MEIKIN: variants seen among roughly 807,000 people sequenced by gnomAD.
The protein encoded by MEIKIN is meiotic kinetochore factor.
At position 131,936,705 on chromosome 5, in the gene MEIKIN, C is replaced by G. The variant is rs148323591; in HGVS notation, c.350-3064G>C. ...CGCCTCCCAAGCTCAACCAATCCTC[C>G]CACCTCAGCCTCCTGAGTAGCTGGG... On this transcript the variant is annotated intron_variant, in intron 4 of 12. Transcript: ENST00000442687. Among the ~76,000 whole-genome samples, 821 of 152,242 alleles carry G rather than the reference C, an allele frequency of 5.4e-3. 12 individuals carry two copies. The highest frequency in any genetic ancestry group is 0.019 in the African/African-American group (796 of 41,528).
chr5:131,945,082 T>C (rs1254337463), intron 2 of MEIKIN, 74 bp downstream of exon 2: 3 of 398,954 alleles, frequency 7.5e-6, no homozygotes, highest in African/African-American at 2.1e-5. Context: ...AATAAAAGGC[T>C]ACTAGCAGAA....
chr5:131,912,305 T>A (rs889484303), intron 7 of MEIKIN, among the ~76,000 whole-genome samples: 15 of 150,826 alleles, frequency 9.9e-5, no homozygotes, highest in East Asian at 5.8e-4. Context: ...TTATTATTAT[T>A]ATATTATTAT....
intron 11 of MEIKIN, among the ~76,000 whole-genome samples, chr5:131,837,681 T>C (rs766175249): frequency 6.6e-6 from 1 of 152,148 alleles, no homozygotes; most frequent in African/African-American, 2.4e-5. Flanking sequence ...TGTATAGGAA[T>C]GTTAGTTATT....
At chr5:131,885,379 G>GAGAA (rs1561744015) in intron 8 of MEIKIN, among the ~76,000 whole-genome samples, 1 of 84,364 alleles carries the variant, frequency 1.2e-5, no homozygotes, top group African/African-American at 5.0e-5. Context: ...GAGAGAGAGA[G>GAGAA]AGAGAGAGAG....
At chr5:131,942,898 C>T (rs1751897544) in intron 3 of MEIKIN, among the ~76,000 whole-genome samples, 1 of 151,824 alleles carries the variant, frequency 6.6e-6, no homozygotes, top group South Asian at 2.1e-4. Flanking sequence ...AAATATAATA[C>T]TATGAACATA....
chr5:131,839,035 G>A (rs1372101259), intron 11 of MEIKIN, among the ~76,000 whole-genome samples: 1 of 152,132 alleles, frequency 6.6e-6, no homozygotes, highest in Non-Finnish European at 1.5e-5. Context: ...GTGTCCTAGA[G>A]ATTCTGGCAT....
At chr5:131,897,064 G>A (rs927467359) in intron 8 of MEIKIN, among the ~76,000 whole-genome samples, 1 of 152,172 alleles carries the variant, frequency 6.6e-6, no homozygotes, top group Admixed American at 6.5e-5. Flanking sequence ...AAGAGGTCTT[G>A]TAAGGCAGGC....
chr5:131,917,740 G>C (rs1204076561), intron 6 of MEIKIN, among the ~76,000 whole-genome samples: 1 of 152,112 alleles, frequency 6.6e-6, no homozygotes, highest in Non-Finnish European at 1.5e-5. Flanking sequence ...GGGTATAGTT[G>C]TCTAAAGAAA....
chr5:131,903,321 A>G (rs571104047), intron 8 of MEIKIN, among the ~76,000 whole-genome samples: 1 of 152,288 alleles, frequency 6.6e-6, no homozygotes, highest in African/African-American at 2.4e-5. Flanking sequence ...ATACTACATA[A>G]GAAGACCAGT....
At chr5:131,898,963 C>A (rs551936796) in intron 8 of MEIKIN, among the ~76,000 whole-genome samples, 2 of 152,286 alleles carry the variant, frequency 1.3e-5, no homozygotes, top group South Asian at 4.1e-4. Context: ...ATGAGATGAA[C>A]CAGGTACTTC....
intron 9 of MEIKIN, among the ~76,000 whole-genome samples, chr5:131,875,083 C>T (rs894199299): frequency 1.3e-5 from 2 of 152,204 alleles, no homozygotes; most frequent in Non-Finnish European, 2.9e-5. Flanking sequence ...AAAACTGGCA[C>T]AAGACAGGGA....
At chr5:131,916,742 A>G in intron 7 of MEIKIN, 144 bp downstream of exon 7, 1 of 380,244 alleles carries the variant, frequency 2.6e-6, no homozygotes. Context: ...ATCTCTAGCA[A>G]TTACAACAGT....
intron 8 of MEIKIN, among the ~76,000 whole-genome samples, chr5:131,906,046 G>A (rs1751237533): frequency 6.6e-6 from 1 of 152,092 alleles, no homozygotes; most frequent in Non-Finnish European, 1.5e-5. Context: ...TTAAACTAAA[G>A]AGCTTCTGCA....
rs148281449 is a variant in MEIKIN, at chr5:131,821,546, T to C, written c.976-2683A>G. Among the ~76,000 whole-genome samples the C allele has an allele frequency of 1.0e-3, 159 of 152,220 alleles. 1 individual carries two copies. In the East Asian group the frequency reaches 0.026, roughly 25 times the overall value. ...CAGTGCAGATTAAGTCTGATGTTTC[T>C]TTGTTGATTTTCTGTCTGGGAGATC... On this transcript the variant is annotated intron_variant, in intron 11 of 12. Coordinates refer to ENST00000442687, the MANE Select transcript of MEIKIN (RefSeq NM_001303622.2).
intron 9 of MEIKIN, among the ~76,000 whole-genome samples, chr5:131,863,556 C>CTTTTTTTTTTTT (rs1750325066): frequency 2.4e-5 from 1 of 42,000 alleles, no homozygotes; most frequent in African/African-American, 1.2e-4. Context: ...CCTTCTTTGT[C>CTTTTTTTTTTTT]CTTTTTTTTT....
chr5:131,860,596 C>G (rs1400782605), intron 9 of MEIKIN, among the ~76,000 whole-genome samples: 1 of 136,216 alleles, frequency 7.3e-6, no homozygotes, highest in African/African-American at 2.8e-5. Context: ...AGGCACCCAC[C>G]ACCATGCCAG....
chr5:131,836,394 T>G (rs1444333430), intron 11 of MEIKIN, among the ~76,000 whole-genome samples: 1 of 152,210 alleles, frequency 6.6e-6, no homozygotes, highest in Non-Finnish European at 1.5e-5. Flanking sequence ...ACAATTTATA[T>G]TCCTTTGTGT....
intron 8 of MEIKIN, among the ~76,000 whole-genome samples, chr5:131,894,760 AT>A (rs1366118111): frequency 6.6e-6 from 1 of 152,154 alleles, no homozygotes; most frequent in Non-Finnish European, 1.5e-5. Flanking sequence ...GTATCCTGAG[AT>A]TTTGCTGAAG....
intron 11 of MEIKIN, among the ~76,000 whole-genome samples, chr5:131,832,000 T>C (rs1453064269): frequency 1.3e-5 from 2 of 152,028 alleles, no homozygotes; most frequent in East Asian, 3.9e-4. Context: ...AACCATATCA[T>C]TCCACCCCTG....
Sources: allele counts gnomAD v4.1 joint callset (sites outside exome capture counted in the v4.1 genomes callset), GRCh38; gene constraint gnomAD v4.1.1; transcripts MANE v1.5; gene names NCBI Gene and HGNC (gene_info 2026-07-23, HGNC 2026-07-21).